Variants in GABRG3 observed in about 807,000 individuals in gnomAD.
The protein encoded by GABRG3 is gamma-aminobutyric acid receptor subunit gamma-3.
GABRG3 carries 25 observed loss-of-function variants against 48.8 expected under a neutral mutation model. The observed-to-expected ratio is 0.51, with a 90% CI of 0.37 to 0.72. GABRG3 has a LOEUF of 0.72. Among genes scored for constraint, GABRG3 ranks in the 30% least tolerant of loss-of-function variants. The pLI is 0.00. For missense variants in GABRG3, 394 were observed against 577.9 expected, an observed-to-expected ratio of 0.68 and a Z score of 3.26; for synonymous variants, 227 against 217.6, an observed-to-expected ratio of 1.04 and a Z score of -0.38.
chr15:27,090,702 CT>C (rs1394152549), intron 3 of GABRG3, among the ~76,000 whole-genome samples: 1 of 152,090 alleles, frequency 6.6e-6, no homozygotes, highest in Non-Finnish European at 1.5e-5. Flanking sequence ...GTATACAAGA[CT>C]TGTACTTCTT....
At chr15:26,994,916 A>G (rs1895312402) in intron 2 of GABRG3, among the ~76,000 whole-genome samples, 1 of 152,056 alleles carries the variant, frequency 6.6e-6, no homozygotes, top group Non-Finnish European at 1.5e-5. Flanking sequence ...TGCACTTAAG[A>G]AAAATGTTTA....
In GABRG3 at chr15:27,132,781, T is replaced by C. The variant is rs534829134; in HGVS notation, c.270+105960T>C. Among the ~76,000 whole-genome samples the C allele has an allele frequency of 2.2e-4, 34 of 151,742 alleles. No individual in the cohort carries two copies. In the South Asian group the frequency reaches 7.1e-3, roughly 31 times the overall value. ...CAACTCTTATTTTGTTGATTTTTTT[T>C]CCTATTTCTTATTCCATTTATCTGT... On this transcript the variant is annotated intron_variant, in intron 3 of 9. Transcript: ENST00000615808.
intron 3 of GABRG3, among the ~76,000 whole-genome samples, chr15:27,058,004 C>T (rs11857246): frequency 6.6e-6 from 1 of 152,110 alleles, no homozygotes; most frequent in Non-Finnish European, 1.5e-5. Context: ...TATACTCACT[C>T]TCACAGTGAA....
chr15:27,451,075 A>G (rs1247943627), intron 5 of GABRG3, among the ~76,000 whole-genome samples: 1 of 152,244 alleles, frequency 6.6e-6, no homozygotes, highest in Non-Finnish European at 1.5e-5. Flanking sequence ...ATGGATTGGA[A>G]GCATTAATAT....
chr15:27,525,028 C>T (rs1891240567), intron 7 of GABRG3, among the ~76,000 whole-genome samples: 1 of 152,008 alleles, frequency 6.6e-6, no homozygotes. Flanking sequence ...ATGTAATCAC[C>T]AGGAACTGGA....
chr15:27,017,826 A>C (rs1895807886), intron 2 of GABRG3, among the ~76,000 whole-genome samples: 1 of 152,086 alleles, frequency 6.6e-6, no homozygotes. Flanking sequence ...CTTCACATGG[A>C]AAGTAGGGTC....
At chr15:27,231,608 G>A (rs913416939) in intron 3 of GABRG3, among the ~76,000 whole-genome samples, 23 of 152,324 alleles carry the variant, frequency 1.5e-4, no homozygotes, top group African/African-American at 5.1e-4. Flanking sequence ...CCCAGAAAAT[G>A]TCTTTTGGAG....
At chr15:27,193,198 C>T (rs935008736) in intron 3 of GABRG3, among the ~76,000 whole-genome samples, 156 of 152,220 alleles carry the variant, frequency 1.0e-3, no homozygotes, top group African/African-American at 3.4e-3. Context: ...GCAGTCTGCC[C>T]GTTCTCAGAT....
At chr15:27,149,778 T>C (rs1385870757) in intron 3 of GABRG3, among the ~76,000 whole-genome samples, 1 of 152,200 alleles carries the variant, frequency 6.6e-6, no homozygotes, top group African/African-American at 2.4e-5. Flanking sequence ...GGGCTAAAGA[T>C]AATTTACTGG....
chr15:27,397,903 C>A (rs1013514208), intron 5 of GABRG3, among the ~76,000 whole-genome samples: 10 of 150,496 alleles, frequency 6.6e-5, no homozygotes, highest in Non-Finnish European at 5.9e-5. Flanking sequence ...CTCCCAGGTT[C>A]GTGTCATTCT....
At chr15:27,330,008 G>A (rs1229014010) in intron 5 of GABRG3, among the ~76,000 whole-genome samples, 1 of 152,156 alleles carries the variant, frequency 6.6e-6, no homozygotes, top group African/African-American at 2.4e-5. Flanking sequence ...TTGGGAGGCC[G>A]AGGTGGGTGG....
At chr15:27,103,355 T>A (rs1897393292) in intron 3 of GABRG3, among the ~76,000 whole-genome samples, 1 of 152,124 alleles carries the variant, frequency 6.6e-6, no homozygotes, top group Admixed American at 6.5e-5. Context: ...CAGGCACAGT[T>A]AAAGTAGGAG....
At position 27,388,268 on chromosome 15, in the gene GABRG3, AGGG is replaced by A. The variant is rs1896072480; in HGVS notation, c.574+59381_574+59383del. On this transcript the variant is annotated intron_variant, in intron 5 of 9. Coordinates refer to ENST00000615808, the MANE Select transcript of GABRG3 (RefSeq NM_033223.5). ...AGGAAAGGAAGGAAGGAAAGGAGGGAGGGAGGGTAAGGAAGGAAGGAAGAAAAG... is the reference window on the plus strand; with the variant it reads ...AGGAAAGGAAGGAAGGAAAGGAGGGAAGGGTAAGGAAGGAAGGAAGAAAAG... Among the ~76,000 whole-genome samples, 8 of 51,012 alleles carry A rather than the reference AGGG, an allele frequency of 1.6e-4. 2 individuals are homozygous for A. Among genetic ancestry groups the A allele is most frequent in the East Asian group, 2.2e-3 (2 of 890 alleles). The allele number at this position is 51,012 out of a possible 152,430, so 33.5% of individuals were successfully genotyped here.
intron 2 of GABRG3, among the ~76,000 whole-genome samples, chr15:26,980,453 G>A (rs1219341829): frequency 3.9e-5 from 6 of 152,010 alleles, no homozygotes; most frequent in Admixed American, 2.6e-4. Context: ...TAAGGCAGGA[G>A]GATCACGAGG....
At chr15:27,253,831 T>C (rs1890533424) in intron 3 of GABRG3, among the ~76,000 whole-genome samples, 1 of 152,236 alleles carries the variant, frequency 6.6e-6, no homozygotes, top group Non-Finnish European at 1.5e-5. Context: ...CATTTTACCA[T>C]GAGCTGAGTT....
At chr15:27,062,928 A>G (rs1309493981) in intron 3 of GABRG3, among the ~76,000 whole-genome samples, 1 of 152,212 alleles carries the variant, frequency 6.6e-6, no homozygotes, top group Non-Finnish European at 1.5e-5. Context: ...CCAAAATTAT[A>G]TCTGGGATCT....
At chr15:27,351,949 G>A (rs1894627204) in intron 5 of GABRG3, among the ~76,000 whole-genome samples, 1 of 147,716 alleles carries the variant, frequency 6.8e-6, no homozygotes, top group Admixed American at 6.7e-5. Context: ...TGTGTTTATC[G>A]TGTGTGTATG....
At chr15:26,983,165 T>C (rs1006037619) in intron 2 of GABRG3, among the ~76,000 whole-genome samples, 6 of 149,394 alleles carry the variant, frequency 4.0e-5, no homozygotes, top group Non-Finnish European at 8.9e-5. Flanking sequence ...TTTTTTTTTT[T>C]CAAATCTAGC....
At chr15:27,326,623 C>G (rs1288299475) in intron 3 of GABRG3, among the ~76,000 whole-genome samples, 186 bp from the exon 4 acceptor site, 1 of 152,322 alleles carries the variant, frequency 6.6e-6, no homozygotes, top group East Asian at 1.9e-4. Flanking sequence ...TGTTACTACA[C>G]TGTTGACAAA....
Sources: gnomAD v4.1 joint callset for allele counts (sites outside exome capture counted in the v4.1 genomes callset) on GRCh38, gnomAD v4.1.1 for gene constraint, MANE v1.5 for transcripts, NCBI Gene and HGNC (gene_info 2026-07-23, HGNC 2026-07-21) for gene names.